GRM1: variants seen among roughly 807,000 people sequenced by gnomAD.
GRM1 encodes metabotropic glutamate receptor 1.
GRM1 carries 33 observed loss-of-function variants against 90.9 expected under a neutral mutation model. The ratio of observed to expected loss-of-function variants is 0.36; its 90% confidence interval spans 0.28 to 0.49. The LOEUF is 0.49. Among genes scored for constraint, GRM1 ranks in the 20% least tolerant of loss-of-function variants. The pLI is 0.99. For synonymous variants in GRM1, 700 were observed against 613.2 expected (o/e 1.14, Z -2.09); for missense variants, 1,190 against 1,534.3 (o/e 0.78, Z 3.75).
chr6:146,396,784 T>C (rs558731117), intron 6 of GRM1, among the ~76,000 whole-genome samples: 2 of 152,354 alleles, frequency 1.3e-5, no homozygotes, highest in South Asian at 4.1e-4. Flanking sequence ...GAACTATTTA[T>C]TGACATAATA....
intron 2 of GRM1, among the ~76,000 whole-genome samples, chr6:146,213,810 C>T (rs1272338636): frequency 6.6e-6 from 1 of 152,030 alleles, no homozygotes; most frequent in East Asian, 1.9e-4. Context: ...GAGAAGCTGT[C>T]TGCAAGCTAG....
intron 3 of GRM1, among the ~76,000 whole-genome samples, chr6:146,339,019 T>G (rs1784875801): frequency 6.6e-6 from 1 of 152,224 alleles, no homozygotes; most frequent in Non-Finnish European, 1.5e-5. Flanking sequence ...CCACAAAGTT[T>G]GACTGTATTC....
At chr6:146,396,949 A>G (rs1311024850) in intron 6 of GRM1, among the ~76,000 whole-genome samples, 1 of 152,212 alleles carries the variant, frequency 6.6e-6, no homozygotes, top group Non-Finnish European at 1.5e-5. Flanking sequence ...TAGGACAACT[A>G]CATAAATTCA....
At chr6:146,095,270 G>T (rs1360280881) in intron 1 of GRM1, among the ~76,000 whole-genome samples, 1 of 152,100 alleles carries the variant, frequency 6.6e-6, no homozygotes, top group Non-Finnish European at 1.5e-5. Context: ...TACCCCACTG[G>T]CTCTTGCCTA....
At chr6:146,082,484 T>C (rs747639598) in intron 1 of GRM1, among the ~76,000 whole-genome samples, 2 of 152,120 alleles carry the variant, frequency 1.3e-5, no homozygotes, top group Non-Finnish European at 2.9e-5. Context: ...AACATTTATC[T>C]TCTTTCCTAT....
At chr6:146,322,685 T>C (rs190703018) in intron 3 of GRM1, among the ~76,000 whole-genome samples, 2 of 152,090 alleles carry the variant, frequency 1.3e-5, no homozygotes, top group East Asian at 3.9e-4. Flanking sequence ...ATGTGCCATG[T>C]TGGTGTGCTG....
At position 146,194,621 on chromosome 6, in the gene GRM1, T is replaced by G. The variant is rs1263910161; in HGVS notation, c.950+35024T>G. Among the ~76,000 whole-genome samples the G allele has an allele frequency of 3.3e-5, 5 of 152,198 alleles. No homozygotes were observed. In the East Asian group the frequency reaches 9.6e-4, roughly 29 times the overall value. On this transcript the variant is annotated intron_variant, in intron 2 of 7. Transcript: ENST00000282753. ...TCCCAACACATGCACTAACATTCCT[T>G]AATCCCCATTTGACACCCAGTTGCA...
At chr6:146,087,514 G>T in intron 1 of GRM1, among the ~76,000 whole-genome samples, 1 of 152,048 alleles carries the variant, frequency 6.6e-6, no homozygotes, top group South Asian at 2.1e-4. Context: ...GATTCATGTG[G>T]CCCTCACCAC....
intron 1 of GRM1, among the ~76,000 whole-genome samples, chr6:146,121,225 C>T (rs61164900): frequency 0.053 from 8,104 of 151,934 alleles, 710 homozygotes; most frequent in African/African-American, 0.18. Flanking sequence ...TTATTTGCGT[C>T]GAGGTGTTTA....
At chr6:146,274,203 T>C (rs1782273191) in intron 2 of GRM1, among the ~76,000 whole-genome samples, 1 of 152,216 alleles carries the variant, frequency 6.6e-6, no homozygotes, top group South Asian at 2.1e-4. Flanking sequence ...AAGTAAAAAC[T>C]TGGGGAAAAA....
chr6:146,385,191 T>C (rs1776457844), intron 5 of GRM1, among the ~76,000 whole-genome samples: 1 of 151,970 alleles, frequency 6.6e-6, no homozygotes, highest in South Asian at 2.1e-4. Flanking sequence ...GTCATTACAA[T>C]TAAGTTGCTA....
At chr6:146,102,875 A>AT in intron 1 of GRM1, among the ~76,000 whole-genome samples, 2 of 152,258 alleles carry the variant, frequency 1.3e-5, no homozygotes, top group African/African-American at 4.8e-5. Flanking sequence ...CTTAGTTGAG[A>AT]TTTTTGCAAT....
intron 3 of GRM1, among the ~76,000 whole-genome samples, chr6:146,314,802 T>A (rs1783909639): frequency 6.6e-6 from 1 of 152,154 alleles, no homozygotes; most frequent in African/African-American, 2.4e-5. Flanking sequence ...ATGAGCCAAG[T>A]CTTGGGTCAT....
chr6:146,301,972 T>C (rs546703692), intron 2 of GRM1, among the ~76,000 whole-genome samples: 1 of 152,164 alleles, frequency 6.6e-6, no homozygotes, highest in African/African-American at 2.4e-5. Flanking sequence ...CCTGATTGAG[T>C]AATAGGCTTA....
intron 1 of GRM1, among the ~76,000 whole-genome samples, chr6:146,057,493 T>C (rs1159792545): frequency 6.6e-6 from 1 of 152,126 alleles, no homozygotes; most frequent in African/African-American, 2.4e-5. Flanking sequence ...GATAGGGTAG[T>C]TGAGAGGATC....
chr6:146,244,861 C>A (rs930179147), intron 2 of GRM1, among the ~76,000 whole-genome samples: 4 of 152,166 alleles, frequency 2.6e-5, no homozygotes, highest in Admixed American at 2.6e-4. Flanking sequence ...ATTCACTAAT[C>A]GTTCTGTACT....
chr6:146,424,797 C>T (rs1015977161), intron 7 of GRM1, among the ~76,000 whole-genome samples: 2 of 152,158 alleles, frequency 1.3e-5, no homozygotes, highest in Non-Finnish European at 2.9e-5. Context: ...AAGCCTAATG[C>T]TTTGAGTGTA....
chr6:146,221,708 C>T (rs887056353), intron 2 of GRM1, among the ~76,000 whole-genome samples: 1 of 152,030 alleles, frequency 6.6e-6, no homozygotes, highest in African/African-American at 2.4e-5. Flanking sequence ...TGGGTATATA[C>T]CCAGTAATGG....
At chr6:146,082,577 T>C (rs1582976433) in intron 1 of GRM1, among the ~76,000 whole-genome samples, 1 of 152,188 alleles carries the variant, frequency 6.6e-6, no homozygotes, top group Non-Finnish European at 1.5e-5. Context: ...CCTCTTCCCA[T>C]ATCCAATCAA....
Sources: gnomAD v4.1 joint callset for allele counts (sites outside exome capture counted in the v4.1 genomes callset) on GRCh38, gnomAD v4.1.1 for gene constraint, MANE v1.5 for transcripts, NCBI Gene and HGNC (gene_info 2026-07-23, HGNC 2026-07-21) for gene names.